HNRNPLL: variants seen among roughly 807,000 people sequenced by gnomAD.
The protein encoded by HNRNPLL is heterogeneous nuclear ribonucleoprotein L like.
In HNRNPLL, 25 loss-of-function variants were observed where a neutral mutation model predicts 67.1. That is an observed-to-expected ratio of 0.37 (90% CI 0.27 to 0.52). HNRNPLL has a LOEUF of 0.52. HNRNPLL is among the 20% of genes least tolerant of loss of function. HNRNPLL has a pLI of 0.90. For synonymous variants in HNRNPLL, 267 were observed against 241.7 expected (o/e 1.10, Z -0.97); for missense variants, 542 against 673.9 (o/e 0.80, Z 2.17).
Position 38,568,255 on chromosome 2 carries a change from T to G in HNRNPLL, c.1517A>C (p.Lys506Thr). Residue 506 changes from lysine (K) to threonine (T), a missense_variant, in exon 12 of 13, where the codon AAA becomes ACA. Physicochemically the swap from Lys to Thr is moderately conservative, Grantham distance 78. Around this residue, in one of 2 missense-constraint regions of HNRNPLL, gnomAD observed 415 missense variants for 575.2 expected, o/e 0.72. Coordinates refer to ENST00000449105, the MANE Select transcript of HNRNPLL (RefSeq NM_138394.4). ...TLSGLLEWECKTDAVEALTAL... is the reference protein window; with the variant it reads ...TLSGLLEWECTTDAVEALTAL... ...CGTAAGGGCTTCTACTGCATCAGTT[T>G]TGCACTCCCATTCTAATAGCCCAGA... The G allele has an allele frequency of 5.0e-6, 8 of 1,613,734 alleles. No homozygotes were observed. The highest frequency in any genetic ancestry group is 6.8e-6 in the Non-Finnish European group (8 of 1,179,754).
Position 38,595,158 on chromosome 2 carries a change from T to C in HNRNPLL, c.190-3510A>G, listed in dbSNP as rs1030919384. Among the ~76,000 whole-genome samples, 6 of 150,188 alleles carry C rather than the reference T, an allele frequency of 4.0e-5. No individual in the cohort carries two copies. In the South Asian group the frequency reaches 6.3e-4, roughly 16 times the overall value. ...AGCTGGGCGTGGTGGGGTACGCCTG[T>C]AGTCCCAGCTACTCAGGAGGCTGAG... On this transcript the variant is annotated intron_variant, in intron 1 of 12. Coordinates refer to ENST00000449105, the MANE Select transcript of HNRNPLL (RefSeq NM_138394.4).
intron 4 of HNRNPLL, among the ~76,000 whole-genome samples, chr2:38,583,323 C>T (rs983508556): frequency 2.0e-5 from 3 of 152,094 alleles, no homozygotes; most frequent in Non-Finnish European, 4.4e-5. Flanking sequence ...CACATGCACA[C>T]GTAGGTTGGG....
chr2:38,588,318 G>A lies in HNRNPLL; in HGVS notation c.309-2437C>T, dbSNP rs976078825. 3.3e-5 allele frequency among the ~76,000 whole-genome samples: 5 copies of A among 152,078 alleles called. No homozygotes were observed. In the East Asian group the frequency reaches 9.6e-4, roughly 29 times the overall value. On this transcript the variant is annotated intron_variant, in intron 2 of 12. Transcript: ENST00000449105. Reference sequence around the variant, plus strand: ...TAATCCCAGCACTTTGGGAGGCGGAGGTGGGTGGATCACAAGGTCAGGAGT... The same window carrying A: ...TAATCCCAGCACTTTGGGAGGCGGAAGTGGGTGGATCACAAGGTCAGGAGT...
Position 38,564,170 on chromosome 2 carries a change from G to C in HNRNPLL, c.*12C>G, listed in dbSNP as rs765846447. Reference sequence around the variant, plus strand: ...TAAAGGTGAACATAAATTCTAACATGCTCTTCTCTTCTTATAAATGGGATG... The same window carrying C: ...TAAAGGTGAACATAAATTCTAACATCCTCTTCTCTTCTTATAAATGGGATG... On this transcript the variant is annotated 3_prime_UTR_variant, in exon 13 of 13. Transcript: ENST00000449105. 14 of 1,450,580 alleles carry C rather than the reference G, an allele frequency of 9.7e-6. No homozygotes were observed. The highest frequency in any genetic ancestry group is 2.3e-5 in the East Asian group (1 of 43,762). The allele number at this position is 1,450,580 out of a possible 1,614,324, so 89.9% of individuals were successfully genotyped here. A position where few individuals can be genotyped will look rare whatever the true frequency, so the allele number is the denominator to read the frequency against.
chr2:38,575,837 TTG>T (rs1666280715), intron 7 of HNRNPLL, among the ~76,000 whole-genome samples: 2 of 151,806 alleles, frequency 1.3e-5, no homozygotes, highest in African/African-American at 4.8e-5. Context: ...TCCCCCATCT[TTG>T]CTTTTTCCCC....
chr2:38,567,362 C>T (rs760240782), intron 12 of HNRNPLL, among the ~76,000 whole-genome samples: 2 of 152,042 alleles, frequency 1.3e-5, no homozygotes, highest in Non-Finnish European at 2.9e-5. Flanking sequence ...ACGATCCACC[C>T]GCCTCAGTCT....
In HNRNPLL at chr2:38,602,659, G is replaced by C. The variant is rs1667500594; in HGVS notation, c.-33C>G. The C allele has an allele frequency of 1.4e-6, 2 of 1,473,066 alleles. No homozygotes were observed. The highest frequency in any genetic ancestry group is 1.3e-5 in the South Asian group (1 of 75,734). 91.2% of individuals were successfully genotyped at this position (1,473,066 alleles called of 1,614,324 possible). On this transcript the variant is annotated 5_prime_UTR_variant, in exon 1 of 13. Transcript: ENST00000449105. ...GCCGGAGGGACCGGCTGGCAGGCGGGTGGGGGTGGCGGTGGGGCGCGCGCC... is the reference window on the plus strand; with the variant it reads ...GCCGGAGGGACCGGCTGGCAGGCGGCTGGGGGTGGCGGTGGGGCGCGCGCC...
intron 1 of HNRNPLL, among the ~76,000 whole-genome samples, chr2:38,597,004 G>T (rs912987156): frequency 1.3e-5 from 2 of 151,816 alleles, no homozygotes; most frequent in African/African-American, 4.8e-5. Context: ...GCCATTTCAG[G>T]GACAAACTCT....
intron 6 of HNRNPLL, among the ~76,000 whole-genome samples, chr2:38,579,148 T>C (rs533271381): frequency 7.6e-4 from 115 of 152,254 alleles, no homozygotes; most frequent in African/African-American, 2.6e-3. Flanking sequence ...CAGTGTGCTA[T>C]AAAGGAAAGA....
chr2:38,569,289 C>T lies in HNRNPLL; in HGVS notation c.1260G>A (p.Leu420=), dbSNP rs1558529861. The change falls in exon 10 of 13, where the codon CTG becomes CTA. Residue 420 remains leucine, a synonymous_variant. Transcript: ENST00000449105. ...CTTTGTAGCTGCTGGTACCATCCTCCAGCTCAAATATTTGACTTGGAACAA... is the reference window on the plus strand; with the variant it reads ...CTTTGTAGCTGCTGGTACCATCCTCTAGCTCAAATATTTGACTTGGAACAA... ...HSVVPSQIFE[L]EDGTSSYKDF... 2 of 1,613,148 alleles carry T rather than the reference C, an allele frequency of 1.2e-6. No homozygotes were observed. The highest frequency in any genetic ancestry group is 3.3e-5 in the Admixed American group (2 of 59,994).
intron 8 of HNRNPLL, among the ~76,000 whole-genome samples, chr2:38,572,264 ATTC>A (rs1021891066): frequency 4.8e-4 from 73 of 152,204 alleles, no homozygotes; most frequent in Admixed American, 3.8e-3. Context: ...GGTTGACAAA[ATTC>A]TTGTTTCATA....
In HNRNPLL at chr2:38,595,359, CCCA is replaced by C. The variant is rs1414135006; in HGVS notation, c.190-3714_190-3712del. Among the ~76,000 whole-genome samples, 9 of 151,530 alleles carry C rather than the reference CCCA, an allele frequency of 5.9e-5. No individual in the cohort carries two copies. The East Asian group carries it at 1.5e-3, about 26-fold the overall frequency. ...TCTCTTCTTACTACCCCCTTCCCTT[CCCA>C]TTATAGGTAACCACTATCATGAGTA... is the stretch of plus-strand genomic sequence containing the variant. On this transcript the variant is annotated intron_variant, in intron 1 of 12. Transcript: ENST00000449105.
chr2:38,585,294 T>A lies in HNRNPLL; in HGVS notation c.546+350A>T, dbSNP rs555393580. On this transcript the variant is annotated intron_variant, in intron 3 of 12. Transcript: ENST00000449105. ...CATCTTACCATAACATGGGATTCTG[T>A]CACTACCTAGTAGATGCTCTTATAT... 8.3e-4 allele frequency among the ~76,000 whole-genome samples: 127 copies of A among 152,360 alleles called. 1 individual carries two copies. The highest frequency in any genetic ancestry group is 2.8e-3 in the African/African-American group (117 of 41,588).
chr2:38,599,364 C>G (rs1384677049), intron 1 of HNRNPLL, among the ~76,000 whole-genome samples: 1 of 152,154 alleles, frequency 6.6e-6, no homozygotes, highest in Admixed American at 6.5e-5. Context: ...GTGGTTTTCC[C>G]AAGTGAAGCC....
intron 1 of HNRNPLL, among the ~76,000 whole-genome samples, chr2:38,597,688 TTTA>T (rs916978029): frequency 9.1e-5 from 13 of 143,580 alleles, no homozygotes; most frequent in Non-Finnish European, 1.4e-4. Flanking sequence ...AGTAACTTTT[TTTA>T]TTTTTTTTTT....
At chr2:38,581,885 T>C in intron 6 of HNRNPLL, 28 bp downstream of exon 6, 2 of 1,475,634 alleles carry the variant, frequency 1.4e-6, no homozygotes, top group Non-Finnish European at 1.9e-6. Context: ...GCAGATCAAG[T>C]ACATTCTAAA....
At chr2:38,577,757 T>G (rs895881685) in intron 6 of HNRNPLL, among the ~76,000 whole-genome samples, 2 of 152,130 alleles carry the variant, frequency 1.3e-5, no homozygotes, top group African/African-American at 4.8e-5. Context: ...ATATATCTTT[T>G]TGGCAAATGC....
chr2:38,583,582 T>C (rs1288429762), intron 4 of HNRNPLL, among the ~76,000 whole-genome samples: 1 of 152,228 alleles, frequency 6.6e-6, no homozygotes, highest in African/African-American at 2.4e-5. Flanking sequence ...AATTCCAAAA[T>C]AGTACAAGTG....
At chr2:38,590,878 G>A (rs1344163179) in intron 2 of HNRNPLL, among the ~76,000 whole-genome samples, 3 of 152,126 alleles carry the variant, frequency 2.0e-5, no homozygotes, top group East Asian at 1.9e-4. Flanking sequence ...AGTGACATGC[G>A]TCTATAGTCC....
Sources: allele counts gnomAD v4.1 joint callset (sites outside exome capture counted in the v4.1 genomes callset), GRCh38; gene constraint gnomAD v4.1.1; regional missense constraint gnomAD v4.1.1; transcripts MANE v1.5; gene names NCBI Gene and HGNC (gene_info 2026-07-23, HGNC 2026-07-21).